The following COA1 variants were observed in gnomAD, a reference collection of about 807,000 sequenced individuals.
The protein encoded by COA1 is cytochrome c oxidase assembly factor 1.
COA1 carries 13 observed loss-of-function variants against 16.0 expected under a neutral mutation model. That is an observed-to-expected ratio of 0.81 (90% CI 0.53 to 1.29). The LOEUF is 1.29. Ranked by LOEUF, COA1 falls within the 50% of genes most tolerant of loss-of-function variation. The probability of loss-of-function intolerance (pLI) is 0.00; values close to 1 mark genes in which losing one functional copy is unlikely to be tolerated. For missense variants in COA1, 179 were observed against 177.0 expected (o/e 1.01, Z -0.06); for synonymous variants, 65 against 65.7 (o/e 0.99, Z 0.05).
chr7:43,704,068 G>A (rs371236061), intron 1 of COA1, among the ~76,000 whole-genome samples: 67 of 152,104 alleles, frequency 4.4e-4, no homozygotes, highest in African/African-American at 1.4e-3. Flanking sequence ...TTTTTCTTTC[G>A]CTTATAAAGC....
chr7:43,728,065 C>A (rs1165692832), intron 1 of COA1, among the ~76,000 whole-genome samples: 1 of 151,650 alleles, frequency 6.6e-6, no homozygotes, highest in Non-Finnish European at 1.5e-5. Flanking sequence ...AGCTCCACCT[C>A]CCGGGTTCAC....
At chr7:43,664,317 C>G (rs990550755) in intron 1 of COA1, among the ~76,000 whole-genome samples, 12 of 152,062 alleles carry the variant, frequency 7.9e-5, no homozygotes, top group Admixed American at 7.9e-4. Context: ...TATTTCACTT[C>G]GCATAGTATC....
chr7:43,706,902 G>A lies in COA1; in HGVS notation c.-39+22527C>T, dbSNP rs150728656. On this transcript the variant is annotated intron_variant, in intron 1 of 5. Transcript: ENST00000223336. ...AGAAAAAGAAAAAGCCAGACATGGT[G>A]GCTCACACCTGTAATCCCAGCACTT... is the stretch of plus-strand genomic sequence containing the variant. Among the ~76,000 whole-genome samples the A allele has an allele frequency of 3.2e-3, 490 of 151,944 alleles. 6 individuals are homozygous for A. The highest frequency in any genetic ancestry group is 4.7e-3 in the East Asian group (24 of 5,158).
intron 1 of COA1, among the ~76,000 whole-genome samples, chr7:43,654,093 A>G (rs1405661391): frequency 1.3e-5 from 2 of 152,110 alleles, no homozygotes; most frequent in African/African-American, 4.8e-5. Context: ...TGGACAAATG[A>G]ACCCTGGCAG....
downstream of COA1, among the ~76,000 whole-genome samples, chr7:43,635,395 A>G (rs893807129): frequency 6.6e-6 from 1 of 152,162 alleles, no homozygotes; most frequent in African/African-American, 2.4e-5. Context: ...AGGGGCTTGT[A>G]AGGGTTTATG....
At chr7:43,644,817 G>GAGAGAGAGAGACAGAGAGAC in intron 4 of COA1, among the ~76,000 whole-genome samples, 1 of 126,614 alleles carries the variant, frequency 7.9e-6, no homozygotes, top group Non-Finnish European at 1.9e-5. Flanking sequence ...GAGAGAGAGA[G>GAGAGAGAGAGACAGAGAGAC]AGAGAGAGAG....
chr7:43,694,239 C>T (rs940328035), intron 1 of COA1, among the ~76,000 whole-genome samples: 3 of 147,400 alleles, frequency 2.0e-5, no homozygotes, highest in Admixed American at 6.9e-5. Context: ...ATCAAAAACA[C>T]TATAATAGCT....
At chr7:43,661,854 TA>T (rs1414786767) in intron 1 of COA1, among the ~76,000 whole-genome samples, 4 of 152,164 alleles carry the variant, frequency 2.6e-5, no homozygotes, top group African/African-American at 9.7e-5. Flanking sequence ...TACCACCAAA[TA>T]AATAAGACTT....
At chr7:43,665,081 T>C (rs889346319) in intron 1 of COA1, among the ~76,000 whole-genome samples, 4 of 152,210 alleles carry the variant, frequency 2.6e-5, no homozygotes, top group African/African-American at 9.7e-5. Flanking sequence ...ATAGGAGAAT[T>C]GCTCATTTCA....
In COA1 at chr7:43,656,576, C is replaced by G. The variant is rs2091739209; in HGVS notation, c.-38-7924G>C. Reference sequence around the variant, plus strand: ...CTGGGCATGGTGGCGCAGCCCTAATCCCAGCTACTCGGGAGGCTGAGGCAG... The same window carrying G: ...CTGGGCATGGTGGCGCAGCCCTAATGCCAGCTACTCGGGAGGCTGAGGCAG... On this transcript the variant is annotated intron_variant, in intron 1 of 5. Coordinates refer to ENST00000223336, the MANE Select transcript of COA1 (RefSeq NM_018224.4). 2.0e-5 allele frequency among the ~76,000 whole-genome samples: 3 copies of G among 152,164 alleles called. No individual in the cohort carries two copies. In the South Asian group the frequency reaches 6.2e-4, roughly 32 times the overall value.
At chr7:43,674,509 T>C (rs977101105) in intron 1 of COA1, among the ~76,000 whole-genome samples, 1 of 152,206 alleles carries the variant, frequency 6.6e-6, no homozygotes, top group African/African-American at 2.4e-5. Flanking sequence ...ACTCTATAAT[T>C]TTGAGGAAGA....
chr7:43,698,892 A>G (rs1445753209), intron 1 of COA1, among the ~76,000 whole-genome samples: 1 of 152,220 alleles, frequency 6.6e-6, no homozygotes, highest in East Asian at 1.9e-4. Flanking sequence ...ATCCATCTGC[A>G]TAAAGGCTGA....
downstream of COA1, among the ~76,000 whole-genome samples, chr7:43,636,845 A>C (rs746883766): frequency 2.0e-5 from 3 of 152,212 alleles, no homozygotes; most frequent in Non-Finnish European, 4.4e-5. Context: ...CAATCTCTGA[A>C]ACCTTCATTA....
intron 1 of COA1, among the ~76,000 whole-genome samples, chr7:43,722,438 C>T (rs201612323): frequency 3.8e-4 from 57 of 150,896 alleles, no homozygotes; most frequent in Admixed American, 2.5e-3. Flanking sequence ...CTCGTTCTAT[C>T]GCCCAGGCTA....
chr7:43,683,249 T>C (rs905690490), intron 1 of COA1, among the ~76,000 whole-genome samples: 3 of 151,982 alleles, frequency 2.0e-5, no homozygotes. Flanking sequence ...TATAGTTGTG[T>C]TTTTTTTCCT....
intron 1 of COA1, among the ~76,000 whole-genome samples, chr7:43,700,166 A>G (rs1220213773): frequency 6.6e-6 from 1 of 152,122 alleles, no homozygotes; most frequent in Non-Finnish European, 1.5e-5. Context: ...ATCTAGTGGC[A>G]AATCTATTTT....
chr7:43,647,249 C>G (rs1054217748), intron 3 of COA1: 6 of 463,782 alleles, frequency 1.3e-5, no homozygotes, highest in Non-Finnish European at 1.5e-5. Flanking sequence ...ATCTCAGAAT[C>G]TTGATGGAGC....
intron 1 of COA1, among the ~76,000 whole-genome samples, chr7:43,660,375 G>T (rs1221388707): frequency 2.6e-5 from 4 of 151,980 alleles, no homozygotes; most frequent in Admixed American, 2.6e-4. Flanking sequence ...TTCCCTACTT[G>T]GTGAACGGAA....
At chr7:43,623,499 T>C (rs2084137482) in intron 6 of COA1, 2 of 1,340,444 alleles carry the variant, frequency 1.5e-6, no homozygotes, top group Non-Finnish European at 2.1e-6. Flanking sequence ...TAATGCTTAG[T>C]TTTTTATCTC....
Sources: gnomAD v4.1 joint callset for allele counts (sites outside exome capture counted in the v4.1 genomes callset) on GRCh38, gnomAD v4.1.1 for gene constraint, MANE v1.5 for transcripts, NCBI Gene and HGNC (gene_info 2026-07-23, HGNC 2026-07-21) for gene names.